The following JAKMIP3 variants were observed in gnomAD, a reference collection of about 807,000 sequenced individuals.
The protein encoded by JAKMIP3 is janus kinase and microtubule-interacting protein 3.
JAKMIP3 carries 58 observed loss-of-function variants against 118.5 expected under a neutral mutation model. The observed-to-expected ratio is 0.49, with a 90% CI of 0.40 to 0.61. JAKMIP3 has a LOEUF of 0.61. Among genes scored for constraint, JAKMIP3 ranks in the 20% least tolerant of loss-of-function variants. The pLI is 0.00. For missense variants in JAKMIP3, 950 were observed against 1,109.0 expected, an observed-to-expected ratio of 0.86 and a Z score of 2.04; for synonymous variants, 486 against 451.2, an observed-to-expected ratio of 1.08 and a Z score of -0.98.
chr10:132,055,681 T>C (rs1304454635), intron 1 of JAKMIP3, among the ~76,000 whole-genome samples: 1 of 152,196 alleles, frequency 6.6e-6, no homozygotes, highest in African/African-American at 2.4e-5. Context: ...TGTCTTTTTA[T>C]CCCGACATCT....
intron 23 of JAKMIP3, among the ~76,000 whole-genome samples, chr10:132,180,786 CGT>C (rs139136563): frequency 0.16 from 3,457 of 21,044 alleles, 1,164 homozygotes; most frequent in East Asian, 0.77. Context: ...TGTGTGTGCG[CGT>C]ATGCATGTGC....
intron 13 of JAKMIP3, among the ~76,000 whole-genome samples, chr10:132,147,726 G>A (rs2054915046): frequency 6.6e-6 from 1 of 152,256 alleles, no homozygotes; most frequent in South Asian, 2.1e-4. Context: ...CTGGCTTGTG[G>A]TATGCGGTGC....
Position 132,047,858 on chromosome 10 carries a change from G to A in JAKMIP3, c.-138+11120G>A, listed in dbSNP as rs112564009. On this transcript the variant is annotated intron_variant, in intron 1 of 23. Coordinates refer to the JAKMIP3 transcript ENST00000657785. ...CCACGAGCTTTCAGTGCACAGAACT[G>A]TGTGTTCCCCACCCCCCGCCCCGCC... is the stretch of plus-strand genomic sequence containing the variant. Among the ~76,000 whole-genome samples the A allele has an allele frequency of 9.3e-3, 1,246 of 133,884 alleles. 13 individuals are homozygous for A. Among genetic ancestry groups the A allele is most frequent in the South Asian group, 0.023 (82 of 3,550 alleles). 87.8% of individuals were successfully genotyped at this position (133,884 alleles called of 152,430 possible). A position where few individuals can be genotyped will look rare whatever the true frequency, so the allele number is the denominator to read the frequency against.
At chr10:132,119,713 A>G (rs1468851587) in intron 3 of JAKMIP3, among the ~76,000 whole-genome samples, 1 of 152,248 alleles carries the variant, frequency 6.6e-6, no homozygotes, top group African/African-American at 2.4e-5. Flanking sequence ...TTTCAGAATC[A>G]TCTTTGCTGT....
intron 1 of JAKMIP3, among the ~76,000 whole-genome samples, chr10:132,071,835 C>CCTTTCCTTTCTTTCCTTT (rs1564866098): frequency 4.0e-5 from 1 of 25,144 alleles, no homozygotes; most frequent in Non-Finnish European, 7.6e-5. Flanking sequence ...TCCTTTCTTC[C>CCTTTCCTTTCTTTCCTTT]CTTTCCTTTC....
rs541442781 is a variant in JAKMIP3 at position 132,180,192 on chromosome 10, G to A, written c.*1104-2165G>A. Among the ~76,000 whole-genome samples, 78 of 152,258 alleles carry A rather than the reference G, an allele frequency of 5.1e-4. No individual in the cohort carries two copies. In the South Asian group the frequency reaches 6.6e-3, roughly 13 times the overall value. On this transcript the variant is annotated intron_variant, in intron 23 of 23. Transcript: ENST00000684848. ...TCCCAGACGCCAGCCAATGGCCACC[G>A]TTGCAAGCAGGCACTTCTGCAGCTA...
intron 3 of JAKMIP3, among the ~76,000 whole-genome samples, chr10:132,127,709 C>T (rs2049899473): frequency 6.6e-6 from 1 of 152,094 alleles, no homozygotes; most frequent in Non-Finnish European, 1.5e-5. Context: ...CCTCTCTCTA[C>T]TCCTTGCCTT....
intron 1 of JAKMIP3, among the ~76,000 whole-genome samples, chr10:132,038,010 CAAG>C (rs939935402): frequency 4.6e-5 from 7 of 152,194 alleles, no homozygotes; most frequent in African/African-American, 1.7e-4. Flanking sequence ...ATATGCCTGG[CAAG>C]AAGCAACTTA....
chr10:132,083,095 A>G (rs2041986871), intron 1 of JAKMIP3, among the ~76,000 whole-genome samples: 1 of 152,208 alleles, frequency 6.6e-6, no homozygotes, highest in Admixed American at 6.5e-5. Context: ...CTAGTTCTTT[A>G]AGGAATCTTC....
chr10:132,172,727 T>C (rs1417271233), intron 23 of JAKMIP3, among the ~76,000 whole-genome samples: 1 of 151,832 alleles, frequency 6.6e-6, no homozygotes, highest in Non-Finnish European at 1.5e-5. Context: ...ACTCTCTTCC[T>C]CTCTGTCCCC....
intron 16 of JAKMIP3, 50 bp downstream of exon 16, chr10:132,150,091 G>A: frequency 6.8e-7 from 1 of 1,481,180 alleles, no homozygotes; most frequent in Admixed American, 1.9e-5. Context: ...ACAACCCCCA[G>A]CCCAGCCCCT....
intron 1 of JAKMIP3, among the ~76,000 whole-genome samples, chr10:132,099,484 G>T (rs771764993): frequency 1.3e-5 from 2 of 152,134 alleles, no homozygotes; most frequent in African/African-American, 4.8e-5. Context: ...AAGTATGAAG[G>T]TGCAGTCCCG....
At chr10:132,053,168 C>T (rs964883990) in intron 1 of JAKMIP3, among the ~76,000 whole-genome samples, 37 of 152,280 alleles carry the variant, frequency 2.4e-4, no homozygotes, top group Non-Finnish European at 1.8e-4. Context: ...CTTCAAGCCC[C>T]GGTTTCAGTC....
intron 14 of JAKMIP3, 29 bp downstream of exon 14, chr10:132,148,079 CCTGTGGCTGTGTCAGGGAT>C (rs1198703861): frequency 2.1e-6 from 3 of 1,451,316 alleles, no homozygotes; most frequent in Non-Finnish European, 2.9e-6. Flanking sequence ...AGCACTGTGG[CCTGTGGCTGTGTCAGGGAT>C]CTAGTCCTCA....
intron 2 of JAKMIP3, among the ~76,000 whole-genome samples, chr10:132,113,282 G>T (rs750277175): frequency 1.2e-4 from 18 of 152,226 alleles, no homozygotes; most frequent in Admixed American, 9.8e-4. Flanking sequence ...GATCCCCGGG[G>T]TTGCTGATTG....
intron 1 of JAKMIP3, among the ~76,000 whole-genome samples, chr10:132,090,889 C>T (rs1564885554): frequency 1.3e-5 from 2 of 151,804 alleles, no homozygotes; most frequent in South Asian, 4.2e-4. Context: ...AATTTTAGAT[C>T]TTTCCTGCTT....
chr10:132,181,798 G>A (rs2137402926), intron 23 of JAKMIP3, among the ~76,000 whole-genome samples: 1 of 138,304 alleles, frequency 7.2e-6, no homozygotes, highest in Non-Finnish European at 1.5e-5. Context: ...CTCTGCCTCT[G>A]TCCCAGCGTG....
At position 132,104,744 on chromosome 10, in the gene JAKMIP3, A is replaced by AC; in HGVS notation, c.-60dup. 5 of 1,513,662 alleles carry AC rather than the reference A, an allele frequency of 3.3e-6. No homozygotes were observed. Among genetic ancestry groups the AC allele is most frequent in the Non-Finnish European group, 4.5e-6 (5 of 1,119,626 alleles). The allele number at this position is 1,513,662 out of a possible 1,614,324, so 93.8% of individuals were successfully genotyped here. A position where few individuals can be genotyped will look rare whatever the true frequency, so the allele number is the denominator to read the frequency against. The stretch of plus-strand genomic sequence containing the variant: ...GGAGCTTGGCGTGGACACCCCAGCC[A>AC]CCCCCAGCCCAGCCCAGCCGGAGCA... On this transcript the variant is annotated 5_prime_UTR_variant, in exon 2 of 24. Transcript: ENST00000684848.
chr10:132,165,300 CAGG>C (rs2058779783), intron 21 of JAKMIP3, among the ~76,000 whole-genome samples: 1 of 152,260 alleles, frequency 6.6e-6, no homozygotes, highest in South Asian at 2.1e-4. Context: ...CTCCCCAAGT[CAGG>C]ATGAGGGGAG....
Sources: allele counts gnomAD v4.1 joint callset (sites outside exome capture counted in the v4.1 genomes callset), GRCh38; gene constraint gnomAD v4.1.1; transcripts MANE v1.5; gene names NCBI Gene and HGNC (gene_info 2026-07-23, HGNC 2026-07-21).